The following PIAS1 variants were observed in gnomAD, a reference collection of about 807,000 sequenced individuals.
PIAS1 encodes the protein E3 SUMO-protein ligase PIAS1.
A neutral mutation model predicts 71.3 loss-of-function variants in PIAS1; 6 were observed. The observed-to-expected ratio is 0.08, with a 90% CI of 0.05 to 0.17. The LOEUF is 0.17. Ranked by LOEUF, PIAS1 falls within the 10% of genes least tolerant of loss-of-function variation. The pLI, the probability that PIAS1 is intolerant of heterozygous loss-of-function variation, is 1.00. For synonymous variants in PIAS1, 303 were observed against 292.9 expected (o/e 1.03, Z -0.35); for missense variants, 555 against 793.6 (o/e 0.70, Z 3.61).
chr15:68,181,234 G>T lies in PIAS1; in HGVS notation c.1504G>T (p.Ala502Ser). 1.2e-6 allele frequency: 2 copies of T among 1,613,196 alleles called. No individual in the cohort carries two copies. Among genetic ancestry groups the T allele is most frequent in the Non-Finnish European group, 1.7e-6 (2 of 1,179,510 alleles). Residue 502 changes from alanine (A) to serine (S), a missense_variant, in exon 12 of 14, where the codon GCA (alanine) becomes TCA (serine). Coordinates refer to ENST00000249636, the MANE Select transcript of PIAS1 (RefSeq NM_016166.3). The part of the protein sequence containing the change: ...NKGILSLPHQ[A>S]SPVSRTPSLP... The stretch of plus-strand genomic sequence containing the variant: ...CAGCATTTTAAGTCTTCCACATCAA[G>T]CATCTCCAGTATCCCGCACCCCAAG...
chr15:68,068,896 T>C lies in PIAS1; in HGVS notation c.24+14546T>C, dbSNP rs1432456816. 3.6e-5 allele frequency among the ~76,000 whole-genome samples: 5 copies of C among 137,298 alleles called. No individual in the cohort carries two copies. In the East Asian group the frequency reaches 1.0e-3, roughly 28 times the overall value. The allele number at this position is 137,298 out of a possible 152,430, so 90.1% of individuals were successfully genotyped here. A position where few individuals can be genotyped will look rare whatever the true frequency, so the allele number is the denominator to read the frequency against. On this transcript the variant is annotated intron_variant, in intron 1 of 13. Coordinates refer to ENST00000249636, the MANE Select transcript of PIAS1 (RefSeq NM_016166.3). ...TTACACCTTAAATGTTTTTGTCCTT[T>C]TTTTTTTTTTTTTTTTTGAGGTGGA...
chr15:68,077,906 T>G (rs1016636705), intron 1 of PIAS1, among the ~76,000 whole-genome samples: 1 of 152,220 alleles, frequency 6.6e-6, no homozygotes, highest in African/African-American at 2.4e-5. Flanking sequence ...AGGCTGTAAT[T>G]TAGACTCTTT....
chr15:68,136,820 A>G (rs990567081), intron 2 of PIAS1, among the ~76,000 whole-genome samples: 1 of 152,234 alleles, frequency 6.6e-6, no homozygotes, highest in African/African-American at 2.4e-5. Context: ...AAATTGTAGC[A>G]GACTGGAGGA....
chr15:68,182,443 TGTG>T (rs2093059619), intron 12 of PIAS1, among the ~76,000 whole-genome samples: 1 of 146,344 alleles, frequency 6.8e-6, no homozygotes, highest in Non-Finnish European at 1.5e-5. Flanking sequence ...TGTGTGTGTG[TGTG>T]TGTGTGTGTG....
chr15:68,115,691 A>G (rs2092559730), intron 2 of PIAS1, among the ~76,000 whole-genome samples: 1 of 152,136 alleles, frequency 6.6e-6, no homozygotes, highest in African/African-American at 2.4e-5. Context: ...GCTGTCTATT[A>G]TCGATTTGAA....
intron 7 of PIAS1, among the ~76,000 whole-genome samples, chr15:68,163,687 G>C (rs1192349906): frequency 6.6e-6 from 1 of 152,188 alleles, no homozygotes; most frequent in East Asian, 1.9e-4. Flanking sequence ...CTCTGAAATT[G>C]TAACTTACCC....
Position 68,063,013 on chromosome 15 carries a change from C to G in PIAS1, c.24+8663C>G, listed in dbSNP as rs2091977895. On this transcript the variant is annotated intron_variant, in intron 1 of 13. Coordinates refer to ENST00000249636, the MANE Select transcript of PIAS1 (RefSeq NM_016166.3). The stretch of plus-strand genomic sequence containing the variant: ...TTAACAACTTGTTTTGATGGTTTTG[C>G]TATACACTACTGGTTTTTTTAAAAA... Among the ~76,000 whole-genome samples the G allele has an allele frequency of 4.1e-5, 6 of 144,594 alleles. No homozygotes were observed. The Admixed American group carries it at 4.2e-4, about 10-fold the overall frequency. 94.9% of individuals were successfully genotyped at this position (144,594 alleles called of 152,430 possible).
In PIAS1 at chr15:68,189,837, A is replaced by G. The variant is rs756153932; in HGVS notation, c.*2002A>G. ...TGTTTTTTAATGAATCTGGCATTAT[A>G]GTGAGCAAATGTCGTATTAATTTAG... On this transcript the variant is annotated 3_prime_UTR_variant, in exon 14 of 14. Coordinates refer to ENST00000249636, the MANE Select transcript of PIAS1 (RefSeq NM_016166.3). The G allele has an allele frequency of 1.3e-5, 2 of 152,204 alleles. No homozygotes were observed. Among genetic ancestry groups the G allele is most frequent in the Non-Finnish European group, 1.5e-5 (1 of 68,032 alleles). 9.4% of individuals were successfully genotyped at this position (152,204 alleles called of 1,614,324 possible).
In PIAS1 at chr15:68,190,002, T is replaced by C. The variant is rs1430591133; in HGVS notation, c.*2167T>C. The C allele has an allele frequency of 6.6e-6, 1 of 152,236 alleles. No homozygotes were observed. The highest frequency in any genetic ancestry group is 1.5e-5 in the Non-Finnish European group (1 of 68,042). 9.4% of individuals were successfully genotyped at this position (152,236 alleles called of 1,614,324 possible). A position where few individuals can be genotyped will look rare whatever the true frequency, so the allele number is the denominator to read the frequency against. On this transcript the variant is annotated 3_prime_UTR_variant, in exon 14 of 14. Transcript: ENST00000249636. The surrounding 1 kb of genome is among the most constrained non-coding windows in gnomAD (Gnocchi z 4.7). ...ATTCAGCTGTCTTAGGTAAAATGAA[T>C]AGTTTTCTTCCTGTTTTTTTATGTG...
intron 7 of PIAS1, among the ~76,000 whole-genome samples, chr15:68,164,327 T>C (rs1376255302): frequency 6.6e-6 from 1 of 152,148 alleles, no homozygotes; most frequent in Non-Finnish European, 1.5e-5. Flanking sequence ...ATTCTTATTA[T>C]TAATGTCCTC....
chr15:68,121,255 G>GT (rs1036291171), intron 2 of PIAS1, among the ~76,000 whole-genome samples: 4 of 116,060 alleles, frequency 3.4e-5, no homozygotes, highest in Admixed American at 2.0e-4. Context: ...CAGTTGACAT[G>GT]TTTTTTTGTT....
At chr15:68,146,209 A>T (rs1302063061) in intron 5 of PIAS1, among the ~76,000 whole-genome samples, 4 of 152,082 alleles carry the variant, frequency 2.6e-5, no homozygotes, top group Non-Finnish European at 5.9e-5. Flanking sequence ...GGTAGAATGG[A>T]GATTTGAAGA....
rs2093131132 is a variant in PIAS1 at position 68,193,844 on chromosome 15, A to G, written c.*6009A>G. On this transcript the variant is annotated 3_prime_UTR_variant, in exon 14 of 14. Coordinates refer to ENST00000249636, the MANE Select transcript of PIAS1 (RefSeq NM_016166.3). ...AATCTTTTATTAAAGATCTACTCAT[A>G]CCATGGCTGAAATCATCTATTATTG... 3 of 599,350 alleles carry G rather than the reference A, an allele frequency of 5.0e-6. No individual in the cohort carries two copies. The East Asian group carries it at 8.3e-5, about 17-fold the overall frequency. 37.1% of individuals were successfully genotyped at this position (599,350 alleles called of 1,614,324 possible).
At chr15:68,057,199 G>A (rs535953473) in intron 1 of PIAS1, among the ~76,000 whole-genome samples, 2 of 152,286 alleles carry the variant, frequency 1.3e-5, no homozygotes, top group African/African-American at 4.8e-5. Flanking sequence ...ATAAAAATTA[G>A]ATTGTGAGTC....
Position 68,054,373 on chromosome 15 carries a change from T to A in PIAS1, c.24+23T>A, listed in dbSNP as rs758177320. ...AAGGTAAAGCGCAGCTCGAATTCAC[T>A]TCTAATATTCGGCCGCGGAGACGGC... is the stretch of plus-strand genomic sequence containing the variant. On this transcript the variant is annotated intron_variant, in intron 1 of 13. Transcript: ENST00000249636. The surrounding 1 kb of genome is among the most constrained non-coding windows in gnomAD (Gnocchi z 4.6). 2 of 1,564,236 alleles carry A rather than the reference T, an allele frequency of 1.3e-6. No individual in the cohort carries two copies. The highest frequency in any genetic ancestry group is 1.2e-5 in the South Asian group (1 of 84,926).
At position 68,189,719 on chromosome 15, in the gene PIAS1, A is replaced by G. The variant is rs1206782934; in HGVS notation, c.*1884A>G. On this transcript the variant is annotated 3_prime_UTR_variant, in exon 14 of 14. Transcript: ENST00000249636. ...TCATAGTCTTCCCCTACGCATGTGT[A>G]TTCCACACACAAATGGCTGAGTTAT... The G allele has an allele frequency of 6.6e-6, 1 of 152,156 alleles. No homozygotes were observed. Among genetic ancestry groups the G allele is most frequent in the Non-Finnish European group, 1.5e-5 (1 of 68,014 alleles). 9.4% of individuals were successfully genotyped at this position (152,156 alleles called of 1,614,324 possible). A position where few individuals can be genotyped will look rare whatever the true frequency, so the allele number is the denominator to read the frequency against.
At chr15:68,161,250 A>C (rs987385630) in intron 7 of PIAS1, among the ~76,000 whole-genome samples, 1 of 152,246 alleles carries the variant, frequency 6.6e-6, no homozygotes, top group East Asian at 1.9e-4. Context: ...AACTATGTGC[A>C]AGATTTGTAT....
chr15:68,077,913 C>G (rs544240755), intron 1 of PIAS1, among the ~76,000 whole-genome samples: 1 of 152,280 alleles, frequency 6.6e-6, no homozygotes, highest in African/African-American at 2.4e-5. Context: ...AATTTAGACT[C>G]TTTAGTTTAG....
At chr15:68,099,797 T>C (rs987255338) in intron 2 of PIAS1, among the ~76,000 whole-genome samples, 3 of 152,052 alleles carry the variant, frequency 2.0e-5, no homozygotes, top group Non-Finnish European at 4.4e-5. Context: ...TTTGTTATTG[T>C]CACTTTTTTT....
Sources: allele counts gnomAD v4.1 joint callset (sites outside exome capture counted in the v4.1 genomes callset), GRCh38; gene constraint gnomAD v4.1.1; non-coding constraint Gnocchi (gnomAD v3.1); transcripts MANE v1.5; gene names NCBI Gene and HGNC (gene_info 2026-07-23, HGNC 2026-07-21).